Variants in CSMD1 observed in about 807,000 individuals in gnomAD.
CSMD1 encodes the protein CUB and Sushi multiple domains 1.
A neutral mutation model predicts 417.5 loss-of-function variants in CSMD1; 213 were observed. The observed-to-expected ratio is 0.51, with a 90% CI of 0.46 to 0.57. The LOEUF is 0.57. CSMD1 is among the 20% of genes least tolerant of loss of function. The pLI, the probability that CSMD1 is intolerant of heterozygous loss-of-function variation, is 0.00. For missense variants in CSMD1, 6,923 were observed against 4,529.7 expected (o/e 1.53, Z -15.17); for synonymous variants, 2,862 against 1,736.8 (o/e 1.65, Z -16.11).
chr8:4,083,193 G>T (rs1041248975), intron 3 of CSMD1, among the ~76,000 whole-genome samples: 2 of 152,072 alleles, frequency 1.3e-5, no homozygotes, highest in Non-Finnish European at 2.9e-5. Context: ...TTGCCACACT[G>T]ACTTCCACAA....
intron 54 of CSMD1, among the ~76,000 whole-genome samples, chr8:2,980,169 A>T (rs1805281201): frequency 6.6e-6 from 1 of 152,224 alleles, no homozygotes; most frequent in African/African-American, 2.4e-5. Context: ...GTCCAAAAAT[A>T]ATTTCAAACT....
Position 3,820,301 on chromosome 8 carries a change from G to A in CSMD1, c.819-66259C>T, listed in dbSNP as rs556678687. 3.9e-5 allele frequency among the ~76,000 whole-genome samples: 6 copies of A among 152,280 alleles called. No individual in the cohort carries two copies. The South Asian group carries it at 1.0e-3, about 26-fold the overall frequency. ...ATGTGTAGGATATGTGAGCTCAGAA[G>A]AGGACACAGTAGTCTAAGATGAATT... On this transcript the variant is annotated intron_variant, in intron 5 of 69. Coordinates refer to ENST00000635120, the MANE Select transcript of CSMD1 (RefSeq NM_033225.6).
chr8:3,679,512 C>A (rs1445019010), intron 7 of CSMD1, among the ~76,000 whole-genome samples: 3 of 152,134 alleles, frequency 2.0e-5, no homozygotes, highest in South Asian at 2.1e-4. Context: ...TCACCCAATA[C>A]AGGAGCACCC....
At chr8:3,487,642 T>C (rs1249611567) in intron 11 of CSMD1, among the ~76,000 whole-genome samples, 1 of 152,186 alleles carries the variant, frequency 6.6e-6, no homozygotes, top group Non-Finnish European at 1.5e-5. Context: ...TTTATCTACT[T>C]AGAATAATGG....
intron 3 of CSMD1, among the ~76,000 whole-genome samples, chr8:4,187,719 A>G (rs1465638888): frequency 6.7e-6 from 1 of 148,596 alleles, no homozygotes; most frequent in Non-Finnish European, 1.5e-5. Flanking sequence ...TATTCTAGTT[A>G]GTGTACATTA....
At chr8:3,213,258 C>A (rs1329267815) in intron 30 of CSMD1, among the ~76,000 whole-genome samples, 3 of 152,178 alleles carry the variant, frequency 2.0e-5, no homozygotes. Flanking sequence ...CTTAAAATAA[C>A]CCTAGAAATG....
chr8:4,505,545 A>C (rs1171426115), intron 2 of CSMD1, among the ~76,000 whole-genome samples: 1 of 152,176 alleles, frequency 6.6e-6, no homozygotes, highest in African/African-American at 2.4e-5. Flanking sequence ...TGATATTCAT[A>C]TACTATCAAA....
At chr8:4,727,788 T>C (rs915989854) in intron 1 of CSMD1, among the ~76,000 whole-genome samples, 1 of 151,724 alleles carries the variant, frequency 6.6e-6, no homozygotes, top group South Asian at 2.1e-4. Flanking sequence ...AGGTGCTAAA[T>C]TTGGAATATA....
intron 3 of CSMD1, among the ~76,000 whole-genome samples, chr8:4,305,419 A>C (rs960122775): frequency 2.0e-5 from 3 of 152,150 alleles, no homozygotes; most frequent in Non-Finnish European, 4.4e-5. Context: ...CTTAAGTGAA[A>C]GGGATAATCG....
At chr8:3,870,485 T>A (rs1169240529) in intron 5 of CSMD1, among the ~76,000 whole-genome samples, 1 of 152,100 alleles carries the variant, frequency 6.6e-6, no homozygotes, top group Non-Finnish European at 1.5e-5. Flanking sequence ...GAGTTGAAAT[T>A]GAGGGATTAA....
At chr8:3,538,552 G>C (rs920576945) in intron 10 of CSMD1, among the ~76,000 whole-genome samples, 4 of 152,248 alleles carry the variant, frequency 2.6e-5, no homozygotes, top group Non-Finnish European at 5.9e-5. Context: ...TGCCGCACTT[G>C]AGCTGGCTAA....
chr8:2,952,458 T>C (rs1015735608), intron 65 of CSMD1, among the ~76,000 whole-genome samples: 9 of 152,140 alleles, frequency 5.9e-5, no homozygotes, highest in Non-Finnish European at 1.2e-4. Context: ...AGATAATAGC[T>C]TCCTTTGGCC....
chr8:3,959,546 G>C (rs1219199768), intron 5 of CSMD1, among the ~76,000 whole-genome samples: 4 of 152,182 alleles, frequency 2.6e-5, no homozygotes, highest in African/African-American at 9.6e-5. Context: ...AAAGAAAAGA[G>C]AGACAAAGAG....
At chr8:2,957,563 T>G (rs1229181243) in intron 63 of CSMD1, 133 bp downstream of exon 63, 2 of 644,702 alleles carry the variant, frequency 3.1e-6, no homozygotes, top group Non-Finnish European at 5.4e-6. Flanking sequence ...GGAACCAAAC[T>G]TTGAGGACAT....
intron 3 of CSMD1, among the ~76,000 whole-genome samples, chr8:4,212,170 C>G (rs1012610983): frequency 7.1e-6 from 1 of 141,826 alleles, no homozygotes; most frequent in South Asian, 2.1e-4. Context: ...TGTCACTTCC[C>G]TATTTATATA....
chr8:4,796,064 C>T (rs1452853279), intron 1 of CSMD1, among the ~76,000 whole-genome samples: 1 of 152,162 alleles, frequency 6.6e-6, no homozygotes, highest in Non-Finnish European at 1.5e-5. Context: ...AGGAGAGCCA[C>T]TGGCATTACA....
chr8:3,616,852 A>T, intron 7 of CSMD1, 55 bp from the exon 8 acceptor site: 1 of 1,278,806 alleles, frequency 7.8e-7, no homozygotes, highest in Non-Finnish European at 1.1e-6. Context: ...GGAAATACCC[A>T]GATAAAAAAT....
At chr8:4,122,552 G>A (rs1446620641) in intron 3 of CSMD1, among the ~76,000 whole-genome samples, 6 of 152,116 alleles carry the variant, frequency 3.9e-5, no homozygotes, top group Middle Eastern at 3.2e-3. Flanking sequence ...CAGTCACCCC[G>A]TGCTTTCCCA....
At chr8:4,339,261 A>C (rs1422610461) in intron 3 of CSMD1, among the ~76,000 whole-genome samples, 1 of 152,166 alleles carries the variant, frequency 6.6e-6, no homozygotes, top group Non-Finnish European at 1.5e-5. Flanking sequence ...GGCCAGAGAC[A>C]AAAGTAGGAA....
Sources: gnomAD v4.1 joint callset for allele counts (sites outside exome capture counted in the v4.1 genomes callset) on GRCh38, gnomAD v4.1.1 for gene constraint, MANE v1.5 for transcripts, NCBI Gene and HGNC (gene_info 2026-07-23, HGNC 2026-07-21) for gene names.